Variants in EXOC5 observed in about 807,000 individuals in gnomAD.
The protein encoded by EXOC5 is exocyst complex component 5, also known as SEC10-like 1.
EXOC5 carries 17 observed loss-of-function variants against 90.8 expected under a neutral mutation model. That is an observed-to-expected ratio of 0.19 (90% CI 0.13 to 0.28). The LOEUF (loss-of-function observed/expected upper bound fraction) is 0.28. Among genes scored for constraint, EXOC5 ranks in the 10% least tolerant of loss-of-function variants. The pLI, the probability that EXOC5 is intolerant of heterozygous loss-of-function variation, is 1.00. For missense variants in EXOC5, 569 were observed against 830.6 expected, an observed-to-expected ratio of 0.69 and a Z score of 3.87; for synonymous variants, 260 against 270.0, an observed-to-expected ratio of 0.96 and a Z score of 0.36.
At chr14:57,235,572 G>A in intron 7 of EXOC5, 139 bp downstream of exon 7, 1 of 513,822 alleles carries the variant, frequency 1.9e-6, no homozygotes. Flanking sequence ...AGTATCAAAT[G>A]TACAAATTAC....
chr14:57,213,854 C>T (rs958714057), intron 15 of EXOC5, among the ~76,000 whole-genome samples: 2 of 151,758 alleles, frequency 1.3e-5, no homozygotes, highest in Admixed American at 6.6e-5. Context: ...CCTGTAGTCC[C>T]AGCTACTCGG....
intron 1 of EXOC5, among the ~76,000 whole-genome samples, chr14:57,257,092 G>A (rs1884368868): frequency 2.6e-5 from 4 of 152,152 alleles, no homozygotes; most frequent in Non-Finnish European, 5.9e-5. Flanking sequence ...CAGTGGATGA[G>A]GTGCTGAGAA....
intron 13 of EXOC5, among the ~76,000 whole-genome samples, chr14:57,220,026 A>G (rs1883080570): frequency 6.6e-6 from 1 of 152,220 alleles, no homozygotes; most frequent in Non-Finnish European, 1.5e-5. Context: ...TTTGTAAAGA[A>G]TAACAGATGA....
rs1883524135 is a variant in EXOC5, at chr14:57,232,715, T to C, written c.890A>G (p.Lys297Arg). Residue 297 changes from lysine (K) to arginine (R), a missense_variant, in exon 10 of 18, where the codon AAG (lysine) becomes AGG (arginine). Coordinates refer to ENST00000621441, the MANE Select transcript of EXOC5 (RefSeq NM_006544.4). The stretch of plus-strand genomic sequence containing the variant: ...TTTGAGATATTGCTCTGCATCGGAC[T>C]TCCTACATTCTTCTAACTGCTCTTT... ...FVKEQLEECR[K>R]SDAEQYLKNL... 1.3e-6 allele frequency: 2 copies of C among 1,554,602 alleles called. No homozygotes were observed. The highest frequency in any genetic ancestry group is 1.2e-5 in the South Asian group (1 of 85,202).
chr14:57,222,760 C>CAT (rs1208085180), intron 12 of EXOC5, among the ~76,000 whole-genome samples: 43 of 147,864 alleles, frequency 2.9e-4, no homozygotes, highest in African/African-American at 1.1e-3. Flanking sequence ...CACACACACA[C>CAT]ACATATATAT....
intron 1 of EXOC5, among the ~76,000 whole-genome samples, chr14:57,258,931 A>G (rs888749492): frequency 6.6e-6 from 1 of 152,200 alleles, no homozygotes; most frequent in Non-Finnish European, 1.5e-5. Context: ...ATCGTTTCAG[A>G]GAGATATTTC....
In EXOC5 at chr14:57,268,841, A is replaced by G. The variant is rs1467815373; in HGVS notation, c.-193T>C. The G allele has an allele frequency of 2.3e-6, 3 of 1,332,414 alleles. No individual in the cohort carries two copies. The highest frequency in any genetic ancestry group is 2.9e-6 in the Non-Finnish European group (3 of 1,030,352). 82.5% of individuals were successfully genotyped at this position (1,332,414 alleles called of 1,614,324 possible). ...TGAAGCGAAGCCGCAAACGCTTGTC[A>G]GCTGCCTCCCGGCGCCGCCCGCGCT... On this transcript the variant is annotated 5_prime_UTR_variant, in exon 1 of 18. The change abolishes the stop of an existing upstream ORF in the 5' untranslated region. Coordinates refer to ENST00000621441, the MANE Select transcript of EXOC5 (RefSeq NM_006544.4).
chr14:57,252,486 G>A (rs1018990184), intron 1 of EXOC5, among the ~76,000 whole-genome samples: 1 of 152,096 alleles, frequency 6.6e-6, no homozygotes, highest in Non-Finnish European at 1.5e-5. Context: ...GGCAGAAACA[G>A]ACATTTCTCA....
intron 12 of EXOC5, among the ~76,000 whole-genome samples, chr14:57,223,799 T>C (rs1481462059): frequency 6.6e-6 from 1 of 152,016 alleles, no homozygotes; most frequent in East Asian, 1.9e-4. Context: ...AGATGGACCA[T>C]ATTCTGGGCT....
Position 57,235,755 on chromosome 14 carries a change from T to C in EXOC5, c.625A>G (p.Ile209Val), listed in dbSNP as rs1159558954. 1.9e-6 allele frequency: 3 copies of C among 1,558,010 alleles called. No individual in the cohort carries two copies. Among genetic ancestry groups the C allele is most frequent in the African/African-American group, 1.4e-5 (1 of 73,706 alleles). The change falls in exon 7 of 18, where the codon ATC becomes GTC. Residue 209 changes from isoleucine (I) to valine (V), a missense_variant. Physicochemically the swap from Ile to Val is conservative, Grantham distance 29. This residue lies in a region of EXOC5 where 97 missense variants were observed against 177.9 expected (regional missense o/e 0.55). Transcript: ENST00000621441. The stretch of plus-strand genomic sequence containing the variant: ...GCTGCTACTTCTCTCATTCTGGAGA[T>C]TTCACCTCTTCTTTGAGCACTGGTA... ...EFTSAQRRGEISRMREVAAVL... is the reference protein window; with the variant it reads ...EFTSAQRRGEVSRMREVAAVL...
At chr14:57,257,489 T>G (rs1049685140) in intron 1 of EXOC5, among the ~76,000 whole-genome samples, 2 of 151,978 alleles carry the variant, frequency 1.3e-5, no homozygotes, top group Non-Finnish European at 2.9e-5. Context: ...ATGCCAAGAT[T>G]TGGAGATAAG....
rs1882522068 is a variant in EXOC5, at chr14:57,201,966, G to C, written c.*6643C>G. The stretch of plus-strand genomic sequence containing the variant: ...CTCCAAAATATTTACAAAGGGAAAA[G>C]TAATAGTTTTAAAGTGGAGAAGCCT... On this transcript the variant is annotated 3_prime_UTR_variant, in exon 18 of 18. Coordinates refer to ENST00000621441, the MANE Select transcript of EXOC5 (RefSeq NM_006544.4). The C allele has an allele frequency of 6.6e-6, 1 of 152,032 alleles. No individual in the cohort carries two copies. Among genetic ancestry groups the C allele is most frequent in the Admixed American group, 6.6e-5 (1 of 15,262 alleles). 9.4% of individuals were successfully genotyped at this position (152,032 alleles called of 1,614,324 possible).
At chr14:57,246,537 G>A (rs1884038692) in intron 3 of EXOC5, among the ~76,000 whole-genome samples, 174 bp downstream of exon 3, 1 of 152,194 alleles carries the variant, frequency 6.6e-6, no homozygotes, top group Non-Finnish European at 1.5e-5. Context: ...GAAAGCCAAT[G>A]CCAAGAGTAC....
chr14:57,201,720 A>T lies in EXOC5; in HGVS notation c.*6889T>A, dbSNP rs1882514478. The T allele has an allele frequency of 6.6e-6, 1 of 151,458 alleles. No homozygotes were observed. The highest frequency in any genetic ancestry group is 1.5e-5 in the Non-Finnish European group (1 of 67,910). The allele number at this position is 151,458 out of a possible 1,614,324, so 9.4% of individuals were successfully genotyped here. A position where few individuals can be genotyped will look rare whatever the true frequency, so the allele number is the denominator to read the frequency against. On this transcript the variant is annotated 3_prime_UTR_variant, in exon 18 of 18. Coordinates refer to ENST00000621441, the MANE Select transcript of EXOC5 (RefSeq NM_006544.4). ...ACCAACACGGCAAAACCCCATTTCT[A>T]CTACAAATAGAAAAATTGGCCAGGC... is the stretch of plus-strand genomic sequence containing the variant.
At chr14:57,248,630 T>C (rs899203269) in intron 1 of EXOC5, among the ~76,000 whole-genome samples, 1 of 152,046 alleles carries the variant, frequency 6.6e-6, no homozygotes, top group Non-Finnish European at 1.5e-5. Context: ...TACACACTAA[T>C]TTACATACTT....
intron 4 of EXOC5, among the ~76,000 whole-genome samples, chr14:57,240,337 A>G (rs1424612557): frequency 6.6e-6 from 1 of 151,942 alleles, no homozygotes; most frequent in Non-Finnish European, 1.5e-5. Context: ...GCTGGAGTGC[A>G]ATGGCGCGAT....
chr14:57,239,773 A>C (rs1883800215), intron 4 of EXOC5, 114 bp from the exon 5 acceptor site: 1 of 588,596 alleles, frequency 1.7e-6, no homozygotes. Context: ...TCCCTTCCCT[A>C]AAAAAATTTC....
chr14:57,262,562 G>A lies in EXOC5; in HGVS notation c.27+6060C>T, dbSNP rs890970008. On this transcript the variant is annotated intron_variant, in intron 1 of 17. Transcript: ENST00000621441. Reference sequence around the variant, plus strand: ...TATGTGTGTGTGTGTGTGTGTGTGTGTGTATATATATATACGTATATATAT... The same window carrying A: ...TATGTGTGTGTGTGTGTGTGTGTGTATGTATATATATATACGTATATATAT... 4.1e-3 allele frequency among the ~76,000 whole-genome samples: 545 copies of A among 133,996 alleles called. 5 individuals carry two copies. The highest frequency in any genetic ancestry group is 0.017 in the African/African-American group (495 of 29,248). 87.9% of individuals were successfully genotyped at this position (133,996 alleles called of 152,430 possible).
At chr14:57,235,635 C>A in intron 7 of EXOC5, 76 bp downstream of exon 7, 2 of 725,522 alleles carry the variant, frequency 2.8e-6, no homozygotes, top group South Asian at 3.5e-5. Flanking sequence ...TGGGGGAAAT[C>A]AGAGACTATA....
Sources: allele counts gnomAD v4.1 joint callset (sites outside exome capture counted in the v4.1 genomes callset), GRCh38; gene constraint gnomAD v4.1.1; regional missense constraint gnomAD v4.1.1; transcripts MANE v1.5; gene names NCBI Gene and HGNC (gene_info 2026-07-23, HGNC 2026-07-21).